TENM3: variants seen among roughly 807,000 people sequenced by gnomAD.
The protein encoded by TENM3 is teneurin transmembrane protein 3.
TENM3 carries 63 observed loss-of-function variants against 255.1 expected under a neutral mutation model. The observed-to-expected ratio is 0.25, with a 90% confidence interval of 0.20 to 0.30. TENM3 has a LOEUF of 0.30. Ranked by LOEUF, TENM3 falls within the 10% of genes least tolerant of loss-of-function variation. The pLI is 1.00. For missense variants in TENM3, 2,929 were observed against 3,461.1 expected, an observed-to-expected ratio of 0.85 and a Z score of 3.86; for synonymous variants, 1,306 against 1,322.3, an observed-to-expected ratio of 0.99 and a Z score of 0.27.
At chr4:182,727,253 C>G (rs1403172024) in intron 13 of TENM3, among the ~76,000 whole-genome samples, 1 of 151,914 alleles carries the variant, frequency 6.6e-6, no homozygotes, top group Non-Finnish European at 1.5e-5. Context: ...GTCTGGAGTT[C>G]GAGATGAGCC....
the TENM3 span, among the ~76,000 whole-genome samples, chr4:181,677,211 C>T: frequency 6.6e-6 from 1 of 152,054 alleles, no homozygotes; most frequent in Admixed American, 6.6e-5. Flanking sequence ...CCAGTTCCGA[C>T]GTCTGATGTT....
intron 6 of TENM3, among the ~76,000 whole-genome samples, chr4:182,661,817 A>G (rs917929615): frequency 1.3e-5 from 2 of 152,180 alleles, no homozygotes; most frequent in African/African-American, 4.8e-5. Context: ...ATTATCATTT[A>G]CCTTCCGCAA....
At chr4:182,382,268 A>G (rs1171731719) in intron 3 of TENM3, among the ~76,000 whole-genome samples, 1 of 152,052 alleles carries the variant, frequency 6.6e-6, no homozygotes, top group East Asian at 1.9e-4. Flanking sequence ...TTCTCAAACT[A>G]TGTGTCAGTA....
chr4:182,175,967 G>T (rs955720182), intron 1 of TENM3, among the ~76,000 whole-genome samples: 8 of 151,628 alleles, frequency 5.3e-5, no homozygotes, highest in Non-Finnish European at 1.5e-5. Flanking sequence ...GCCATTTAGT[G>T]TTGCAGGTGG....
the TENM3 span, among the ~76,000 whole-genome samples, chr4:181,473,463 G>A: frequency 3.9e-5 from 6 of 151,958 alleles, no homozygotes; most frequent in Admixed American, 3.3e-4. Context: ...GTGGCGACAC[G>A]CACCTGTGGT....
At chr4:181,519,522 T>TTC in the TENM3 span, among the ~76,000 whole-genome samples, 6 of 152,144 alleles carry the variant, frequency 3.9e-5, no homozygotes, top group African/African-American at 1.4e-4. Flanking sequence ...ACAAAACACA[T>TTC]AAGTTTAAAA....
chr4:182,413,514 G>A (rs1770156926), intron 3 of TENM3, among the ~76,000 whole-genome samples: 1 of 152,068 alleles, frequency 6.6e-6, no homozygotes. Context: ...TACTCAGGTG[G>A]CTGAGGCACG....
intron 1 of TENM3, among the ~76,000 whole-genome samples, chr4:182,294,725 C>T (rs539323411): frequency 9.2e-5 from 14 of 152,290 alleles, no homozygotes; most frequent in East Asian, 3.9e-4. Context: ...TTACCAAGAA[C>T]GCCAAATGTT....
At chr4:182,301,084 G>A (rs1293883244) in intron 1 of TENM3, among the ~76,000 whole-genome samples, 1 of 152,146 alleles carries the variant, frequency 6.6e-6, no homozygotes, top group Non-Finnish European at 1.5e-5. Flanking sequence ...TGCGTATTAA[G>A]CCTCTGTAGC....
chr4:182,296,088 C>T (rs534591512), intron 1 of TENM3, among the ~76,000 whole-genome samples: 50 of 152,208 alleles, frequency 3.3e-4, no homozygotes, highest in African/African-American at 1.1e-3. Context: ...CTCAGCCTCC[C>T]GAGTAGCTGG....
chr4:182,650,942 A>C (rs1307017712), intron 5 of TENM3, among the ~76,000 whole-genome samples: 1 of 147,604 alleles, frequency 6.8e-6, no homozygotes, highest in Non-Finnish European at 1.5e-5. Flanking sequence ...GCTGTTGCCT[A>C]TCTGGCAAAA....
chr4:182,046,549 A>AAATAATAATAAT, the TENM3 span, among the ~76,000 whole-genome samples: 35 of 143,108 alleles, frequency 2.4e-4, no homozygotes, highest in African/African-American at 8.0e-4. Context: ...ACAAAAAACT[A>AAATAATAATAAT]AATAATAATA....
chr4:182,116,117 T>C, the TENM3 span, among the ~76,000 whole-genome samples: 4 of 152,146 alleles, frequency 2.6e-5, no homozygotes, highest in Admixed American at 1.3e-4. Context: ...TGGACAAATA[T>C]ATGACATGTA....
chr4:181,651,182 AC>A, the TENM3 span, among the ~76,000 whole-genome samples: 2 of 152,394 alleles, frequency 1.3e-5, no homozygotes, highest in Non-Finnish European at 2.9e-5. Flanking sequence ...TTTAACAATT[AC>A]AAAAGCTGCA....
the TENM3 span, among the ~76,000 whole-genome samples, chr4:181,694,284 C>G: frequency 2.0e-5 from 3 of 152,200 alleles, no homozygotes; most frequent in Non-Finnish European, 4.4e-5. Flanking sequence ...CAAGCTATCA[C>G]TACAAAACAA....
At chr4:181,616,817 G>A in the TENM3 span, among the ~76,000 whole-genome samples, 5 of 152,232 alleles carry the variant, frequency 3.3e-5, no homozygotes, top group Middle Eastern at 3.4e-3. Context: ...TTTGTTCTAC[G>A]TGTGTGCTCA....
Position 182,192,488 on chromosome 4 carries a change from A to G in TENM3, c.-76+47734A>G, listed in dbSNP as rs542690133. Among the ~76,000 whole-genome samples, 8 of 152,308 alleles carry G rather than the reference A, an allele frequency of 5.3e-5. No individual in the cohort carries two copies. The South Asian group carries it at 1.5e-3, about 28-fold the overall frequency. On this transcript the variant is annotated intron_variant, in intron 1 of 2. Transcript: ENST00000512480. Reference sequence around the variant, plus strand: ...TGACCACTGTGGAAGATCAGGCAGGACTACTGAAATTTGTGCCTTTCATTA... The same window carrying G: ...TGACCACTGTGGAAGATCAGGCAGGGCTACTGAAATTTGTGCCTTTCATTA...
intron 4 of TENM3, among the ~76,000 whole-genome samples, chr4:182,614,754 A>G (rs1006422091): frequency 1.6e-4 from 24 of 152,124 alleles, no homozygotes; most frequent in Admixed American, 1.4e-3. Context: ...AATTATTTCT[A>G]AAGGTTGAAA....
chr4:182,422,281 C>T (rs1770894371), intron 3 of TENM3, among the ~76,000 whole-genome samples: 1 of 151,944 alleles, frequency 6.6e-6, no homozygotes. Context: ...GGCTGTAGTG[C>T]TTTGAAAACG....
Sources: allele counts gnomAD v4.1 joint callset (sites outside exome capture counted in the v4.1 genomes callset), GRCh38; gene constraint gnomAD v4.1.1; transcripts MANE v1.5; gene names NCBI Gene and HGNC (gene_info 2026-07-23, HGNC 2026-07-21).